Variants in DDX54 observed in about 807,000 individuals in gnomAD.
DDX54 encodes ATP-dependent RNA helicase DDX54.
Under a neutral mutation model 105.5 loss-of-function variants are expected in DDX54, and 67 were observed. The ratio of observed to expected loss-of-function variants is 0.64; its 90% CI spans 0.52 to 0.78. The LOEUF (loss-of-function observed/expected upper bound fraction) is 0.78, where lower values mean the gene tolerates loss of function less well. DDX54 is among the 30% of genes least tolerant of loss of function. The pLI, the probability that DDX54 is intolerant of heterozygous loss-of-function variation, is 0.00. For synonymous variants in DDX54, 514 were observed against 509.9 expected, an observed-to-expected ratio of 1.01 and a Z score of -0.11; for missense variants, 1,206 against 1,230.5, an observed-to-expected ratio of 0.98 and a Z score of 0.30.
At position 113,172,644 on chromosome 12, in the gene DDX54, G is replaced by A. The variant is rs539640218; in HGVS notation, c.1069-81C>T. ...AGGAAGCCAGACCATGGCGGGGGAC[G>A]GGCACTGAGGTGCAGAGACAAGACC... is the stretch of plus-strand genomic sequence containing the variant. On this transcript the variant is annotated intron_variant, in intron 10 of 19. Coordinates refer to ENST00000306014, the MANE Select transcript of DDX54 (RefSeq NM_024072.4). 3.0e-5 allele frequency: 45 copies of A among 1,514,828 alleles called. 1 individual carries two copies. The highest frequency in any genetic ancestry group is 2.2e-4 in the South Asian group (19 of 84,512). The allele number at this position is 1,514,828 out of a possible 1,614,324, so 93.8% of individuals were successfully genotyped here.
In DDX54 at chr12:113,157,915, T is replaced by A; in HGVS notation, c.*962A>T. 1 of 568,170 alleles carries A rather than the reference T, an allele frequency of 1.8e-6. No homozygotes were observed. The highest frequency in any genetic ancestry group is 3.2e-6 in the Non-Finnish European group (1 of 316,994). 35.2% of individuals were successfully genotyped at this position (568,170 alleles called of 1,614,324 possible). On this transcript the variant is annotated 3_prime_UTR_variant, in exon 20 of 20. Transcript: ENST00000306014. Reference sequence around the variant, plus strand: ...GTGATGGGAAGGTCAAGGGGCTATGTGTGGGGCAACTGCCTCTAAAATGAG... The same window carrying A: ...GTGATGGGAAGGTCAAGGGGCTATGAGTGGGGCAACTGCCTCTAAAATGAG...
intron 5 of DDX54, 69 bp from the exon 6 acceptor site, chr12:113,177,162 T>C: frequency 6.3e-7 from 1 of 1,577,380 alleles, no homozygotes; most frequent in Middle Eastern, 1.7e-4. Flanking sequence ...TAACCAAATG[T>C]CCAGGCAAGG....
At chr12:113,166,457 C>A (rs1169159687) in intron 12 of DDX54, among the ~76,000 whole-genome samples, 1 of 151,940 alleles carries the variant, frequency 6.6e-6, no homozygotes, top group Non-Finnish European at 1.5e-5. Flanking sequence ...TCTCAGAGTT[C>A]CGGGAGGCTG....
chr12:113,165,019 C>G (rs1405088007), intron 14 of DDX54, among the ~76,000 whole-genome samples: 1 of 152,110 alleles, frequency 6.6e-6, no homozygotes, highest in Non-Finnish European at 1.5e-5. Context: ...AAAGCAAGAC[C>G]CTGTTTCAAA....
rs758846698 is a variant in DDX54 at position 113,174,686 on chromosome 12, G to T, written c.1022C>A (p.Thr341Asn). The T allele has an allele frequency of 6.2e-7, 1 of 1,610,250 alleles. No individual in the cohort carries two copies. Among genetic ancestry groups the T allele is most frequent in the Non-Finnish European group, 8.5e-7 (1 of 1,176,744 alleles). ...GTGCTTCGTGGCCACAAACACCACG[G>T]TCTGGTCCTGGGGCCGCACCACGTT... ...LHNVVRPQDQ[T>N]VVFVATKHHA... The change falls in exon 10 of 20, where the codon ACC becomes AAC. Residue 341 changes from threonine to asparagine, a missense_variant. Coordinates refer to ENST00000306014, the MANE Select transcript of DDX54 (RefSeq NM_024072.4).
At position 113,182,776 on chromosome 12, in the gene DDX54, C is replaced by G. The variant is rs534933536; in HGVS notation, c.175-1718G>C. Among the ~76,000 whole-genome samples the G allele has an allele frequency of 3.1e-3, 466 of 152,068 alleles. 3 individuals are homozygous for G. The highest frequency in any genetic ancestry group is 0.01 in the African/African-American group (434 of 41,490). On this transcript the variant is annotated intron_variant, in intron 1 of 19. Transcript: ENST00000306014. ...TTCACCATGTTGGCCAGGCCGGTCTCAAACTCCCGACCTCAAGTGATCCGC... is the reference window on the plus strand; with the variant it reads ...TTCACCATGTTGGCCAGGCCGGTCTGAAACTCCCGACCTCAAGTGATCCGC...
intron 2 of DDX54, 69 bp downstream of exon 2, chr12:113,180,859 TG>T: frequency 6.2e-7 from 1 of 1,602,146 alleles, no homozygotes; most frequent in Non-Finnish European, 8.5e-7. Context: ...ACATCAGTGA[TG>T]GAGTGCAGAG....
chr12:113,173,905 A>G (rs1952366855), intron 10 of DDX54, among the ~76,000 whole-genome samples: 1 of 152,208 alleles, frequency 6.6e-6, no homozygotes, highest in African/African-American at 2.4e-5. Context: ...AGTTTAGGCC[A>G]GGCGCTGTGG....
At position 113,179,016 on chromosome 12, in the gene DDX54, A is replaced by G; in HGVS notation, c.575T>C (p.Phe192Ser). 1.2e-6 allele frequency: 2 copies of G among 1,614,120 alleles called. No individual in the cohort carries two copies. The highest frequency in any genetic ancestry group is 1.7e-6 in the Non-Finnish European group (2 of 1,180,010). The change falls in exon 5 of 20, where the codon TTC (phenylalanine) becomes TCC (serine). Residue 192 changes from phenylalanine (F) to serine (S), a missense_variant. Physicochemically the swap from Phe to Ser is radical, Grantham distance 155. Coordinates refer to ENST00000306014, the MANE Select transcript of DDX54 (RefSeq NM_024072.4). ...TLKFTKELGK[F>S]TGLKTALILG... ...GATCAGGGCAGTCTTGAGGCCAGTG[A>G]ACTTGCCTAGCTGAGAAGAGAAAGT...
At position 113,169,772 on chromosome 12, in the gene DDX54, G is replaced by A; in HGVS notation, c.1412C>T (p.Ser471Leu). Residue 471 changes from serine to leucine, a missense_variant and splice_region_variant, in exon 12 of 20, where the codon TCA becomes TTA. By Grantham distance (145) the Ser-to-Leu change is moderately radical (BLOSUM62 -2). Around this residue, in one of 3 missense-constraint regions of DDX54, gnomAD observed 961 missense variants for 1,019.1 expected, o/e 0.94. Transcript: ENST00000306014. ...ATCCCCACCCAGCCTCCACTCACCT[G>A]AGGGCTCCTTGAGGGGTCGGGCGAG... ...LTLARPLKEP[S>L]GVAGVDGMLG... The A allele has an allele frequency of 1.2e-6, 2 of 1,613,892 alleles. No homozygotes were observed. The highest frequency in any genetic ancestry group is 3.3e-5 in the Admixed American group (2 of 60,022).
chr12:113,185,156 T>G, intron 1 of DDX54, 122 bp downstream of exon 1: 2 of 1,255,404 alleles, frequency 1.6e-6, no homozygotes, highest in South Asian at 3.7e-5. Context: ...GGTCCTCGGG[T>G]CGGCAGCCTC....
intron 14 of DDX54, 41 bp from the exon 15 acceptor site, chr12:113,164,326 A>C: frequency 6.6e-7 from 1 of 1,526,202 alleles, no homozygotes. Context: ...CTGGCCTCCT[A>C]CTCCTAACCC....
intron 13 of DDX54, 26 bp from the exon 14 acceptor site, chr12:113,165,743 G>A: frequency 6.2e-7 from 1 of 1,609,792 alleles, no homozygotes; most frequent in Non-Finnish European, 8.5e-7. Flanking sequence ...CAAGGTGTGA[G>A]GCTGTGGGTG....
In DDX54 at chr12:113,157,714, CTGAGA is replaced by C. The variant is rs1006899135; in HGVS notation, c.*1158_*1162del. The C allele has an allele frequency of 6.9e-6, 10 of 1,450,662 alleles. No individual in the cohort carries two copies. Among genetic ancestry groups the C allele is most frequent in the Non-Finnish European group, 9.4e-6 (10 of 1,059,954 alleles). 89.9% of individuals were successfully genotyped at this position (1,450,662 alleles called of 1,614,324 possible). A position where few individuals can be genotyped will look rare whatever the true frequency, so the allele number is the denominator to read the frequency against. On this transcript the variant is annotated 3_prime_UTR_variant, in exon 20 of 20. Coordinates refer to ENST00000306014, the MANE Select transcript of DDX54 (RefSeq NM_024072.4). Reference sequence around the variant, plus strand: ...AGGTGAGCAGCGGGAGAGGGAACCCCTGAGAGACCCTGAGATAGGAGGGCCCACAT... The same window carrying C: ...AGGTGAGCAGCGGGAGAGGGAACCCCGACCCTGAGATAGGAGGGCCCACAT...
At chr12:113,162,646 AG>A in intron 17 of DDX54, 1 of 381,524 alleles carries the variant, frequency 2.6e-6, no homozygotes, top group Non-Finnish European at 4.7e-6. Flanking sequence ...CAGGGAATGG[AG>A]GGGCGGCTCA....
At chr12:113,175,513 C>T (rs186419896) in intron 7 of DDX54, among the ~76,000 whole-genome samples, 115 of 152,258 alleles carry the variant, frequency 7.6e-4, no homozygotes, top group African/African-American at 2.6e-3. Context: ...TGGGGCCGGG[C>T]GCAGTGGCTC....
rs190461563 is a variant in DDX54 at position 113,177,109 on chromosome 12, G to C, written c.615-16C>G. 4.3e-6 allele frequency: 7 copies of C among 1,613,682 alleles called. No homozygotes were observed. The highest frequency in any genetic ancestry group is 5.9e-6 in the Non-Finnish European group (7 of 1,179,788). ...GTCTTCCATCCTAGAGAGGAGAGAAGGGGTTAGCTTGATAGAACAGGTCTC... is the reference window on the plus strand; with the variant it reads ...GTCTTCCATCCTAGAGAGGAGAGAACGGGTTAGCTTGATAGAACAGGTCTC... On this transcript the variant is annotated splice_polypyrimidine_tract_variant and intron_variant, in intron 5 of 19. Transcript: ENST00000306014.
rs1190558722 is a variant in DDX54 at position 113,175,136 on chromosome 12, T to G, written c.774A>C (p.Ala258=). 6.2e-7 allele frequency: 1 copy of G among 1,611,912 alleles called. No homozygotes were observed. Among genetic ancestry groups the G allele is most frequent in the East Asian group, 2.2e-5 (1 of 44,876 alleles). ...GGGCGATGATCTCCTGCAGCTGCTC[T>G]GCGAAACCCATTTCAAAAAGCCTGG... ...EADRLFEMGF[A]EQLQEIIARL... Residue 258 remains alanine, a synonymous_variant, in exon 8 of 20, where the codon GCA becomes GCC. Transcript: ENST00000306014.
Position 113,179,005 on chromosome 12 carries a change from T to G in DDX54, c.586A>C (p.Lys196Gln), listed in dbSNP as rs1184782877. 1 of 1,614,132 alleles carries G rather than the reference T, an allele frequency of 6.2e-7. No individual in the cohort carries two copies. Among genetic ancestry groups the G allele is most frequent in the Non-Finnish European group, 8.5e-7 (1 of 1,179,996 alleles). Residue 196 changes from lysine to glutamine, a missense_variant, in exon 5 of 20, where the codon AAG becomes CAG. Lys to Gln is a moderately conservative substitution (Grantham distance 53, BLOSUM62 1). This residue lies in a region of DDX54 where 961 missense variants were observed against 1,019.1 expected (regional missense o/e 0.94). Transcript: ENST00000306014. The part of the protein sequence containing the change: ...TKELGKFTGL[K>Q]TALILGGDRM... ...TCTCCACCCAGGATCAGGGCAGTCT[T>G]GAGGCCAGTGAACTTGCCTAGCTGA...
Sources: gnomAD v4.1 joint callset for allele counts (sites outside exome capture counted in the v4.1 genomes callset) on GRCh38, gnomAD v4.1.1 for gene constraint, gnomAD v4.1.1 regional missense constraint, MANE v1.5 for transcripts, NCBI Gene and HGNC (gene_info 2026-07-23, HGNC 2026-07-21) for gene names.